The following SMYD3 variants were observed in gnomAD, a reference collection of about 807,000 sequenced individuals.
SMYD3 encodes the protein SET and MYND domain containing 3.
In SMYD3, 36 loss-of-function variants were observed where a neutral mutation model predicts 57.7. The ratio of observed to expected loss-of-function variants is 0.62; its 90% CI spans 0.48 to 0.82. The LOEUF (loss-of-function observed/expected upper bound fraction) is 0.82. Among genes scored for constraint, SMYD3 ranks in the 40% least tolerant of loss-of-function variants. SMYD3 has a pLI of 0.00. For synonymous variants in SMYD3, 211 were observed against 195.0 expected (o/e 1.08, Z -0.68); for missense variants, 515 against 538.8 (o/e 0.96, Z 0.44).
chr1:245,989,084 G>A (rs1367804644), intron 5 of SMYD3, among the ~76,000 whole-genome samples: 2 of 152,362 alleles, frequency 1.3e-5, no homozygotes, highest in East Asian at 1.9e-4. Context: ...GTGGTGAGAT[G>A]TAACCACTTA....
intron 2 of SMYD3, among the ~76,000 whole-genome samples, chr1:246,338,774 G>A (rs1187351737): frequency 2.0e-5 from 3 of 152,144 alleles, no homozygotes; most frequent in Non-Finnish European, 2.9e-5. Context: ...AACAGTTCAC[G>A]ACATAAACTC....
chr1:245,938,720 C>T (rs1464827492), intron 5 of SMYD3, among the ~76,000 whole-genome samples: 1 of 152,068 alleles, frequency 6.6e-6, no homozygotes, highest in African/African-American at 2.4e-5. Context: ...ATCATTTGAT[C>T]TTTTGTCTTC....
intron 5 of SMYD3, among the ~76,000 whole-genome samples, chr1:246,033,410 G>C (rs1288827060): frequency 6.6e-6 from 1 of 152,232 alleles, no homozygotes; most frequent in Non-Finnish European, 1.5e-5. Context: ...TGTAAGGAAA[G>C]TGAATGTATC....
intron 1 of SMYD3, among the ~76,000 whole-genome samples, chr1:246,393,674 TAAAAAAAAAAAAAAA>T (rs796510890): frequency 1.1e-5 from 1 of 92,426 alleles, no homozygotes; most frequent in Admixed American, 1.3e-4. Flanking sequence ...CCCCCATCTC[TAAAAAAAAAAAAAAA>T]AAAAAAAAAA....
chr1:246,123,571 AACAC>A (rs557543331), intron 5 of SMYD3, among the ~76,000 whole-genome samples: 7,592 of 129,470 alleles, frequency 0.059, 212 homozygotes, highest in South Asian at 0.099. Context: ...TCCATCTCAA[AACAC>A]ACACACACAC....
At chr1:246,146,895 G>A (rs1332170455) in intron 5 of SMYD3, among the ~76,000 whole-genome samples, 1 of 152,126 alleles carries the variant, frequency 6.6e-6, no homozygotes, top group African/African-American at 2.4e-5. Context: ...TGATGGTGTC[G>A]TCCAATCACT....
chr1:246,375,528 C>T (rs1002602077), intron 1 of SMYD3, among the ~76,000 whole-genome samples: 20 of 151,894 alleles, frequency 1.3e-4, no homozygotes, highest in African/African-American at 4.8e-4. Context: ...GTGCTTCCTC[C>T]TTGTCAGTAA....
intron 5 of SMYD3, among the ~76,000 whole-genome samples, chr1:246,001,678 T>C (rs972884229): frequency 1.3e-5 from 2 of 152,232 alleles, no homozygotes; most frequent in African/African-American, 4.8e-5. Context: ...TTAAATGTTT[T>C]CCATGATCCT....
chr1:246,163,823 G>GTGC (rs1162186243), intron 5 of SMYD3, among the ~76,000 whole-genome samples: 1 of 152,224 alleles, frequency 6.6e-6, no homozygotes, highest in African/African-American at 2.4e-5. Context: ...ACAACTGAGT[G>GTGC]TGCTCCCTGC....
chr1:246,049,014 G>T (rs1387529414), intron 5 of SMYD3, among the ~76,000 whole-genome samples: 1 of 152,096 alleles, frequency 6.6e-6, no homozygotes, highest in Non-Finnish European at 1.5e-5. Flanking sequence ...GATTTGGCTA[G>T]TTCTTAGTAA....
intron 1 of SMYD3, among the ~76,000 whole-genome samples, chr1:246,430,613 G>T (rs1020278817): frequency 1.3e-5 from 2 of 152,174 alleles, no homozygotes; most frequent in African/African-American, 4.8e-5. Flanking sequence ...GGCTTACGGG[G>T]CTTGTGGGAC....
At chr1:246,228,009 TCCAAAC>T (rs2063354932) in intron 5 of SMYD3, among the ~76,000 whole-genome samples, 1 of 71,928 alleles carries the variant, frequency 1.4e-5, no homozygotes, top group Non-Finnish European at 2.5e-5. Context: ...TCACCCAAAC[TCCAAAC>T]TACAGAGTGC....
rs1035763238 is a variant in SMYD3 at position 245,789,709 on chromosome 1, C to G, written c.1077-25560G>C. 7.9e-5 allele frequency among the ~76,000 whole-genome samples: 12 copies of G among 152,282 alleles called. 1 individual carries two copies. In the South Asian group the frequency reaches 2.1e-3, roughly 26 times the overall value. On this transcript the variant is annotated intron_variant, in intron 10 of 11. Coordinates refer to ENST00000490107, the MANE Select transcript of SMYD3 (RefSeq NM_001167740.2). ...CACCATTTTCCAATTCTCCTCAACA[C>G]GAATAGCTGACTTCTTTCACTGCTC... is the stretch of plus-strand genomic sequence containing the variant.
At chr1:246,004,503 G>A (rs1326933257) in intron 5 of SMYD3, among the ~76,000 whole-genome samples, 1 of 152,210 alleles carries the variant, frequency 6.6e-6, no homozygotes, top group Non-Finnish European at 1.5e-5. Context: ...TTCAAAGGAA[G>A]CAATTTAATG....
intron 5 of SMYD3, among the ~76,000 whole-genome samples, chr1:245,934,301 A>G (rs986539989): frequency 6.6e-6 from 1 of 152,186 alleles, no homozygotes; most frequent in Non-Finnish European, 1.5e-5. Flanking sequence ...AAGCTTTTAC[A>G]CTACATAACT....
chr1:246,290,047 C>T (rs1572342694), intron 5 of SMYD3, among the ~76,000 whole-genome samples: 1 of 152,146 alleles, frequency 6.6e-6, no homozygotes, highest in Non-Finnish European at 1.5e-5. Context: ...AAGTATGCTG[C>T]TCCATACTTA....
At chr1:246,248,808 A>ATTTTTTTTTTTTTT (rs1164274725) in intron 5 of SMYD3, among the ~76,000 whole-genome samples, 2 of 90,446 alleles carry the variant, frequency 2.2e-5, no homozygotes, top group Admixed American at 2.6e-4. Flanking sequence ...TGCCCGGCTA[A>ATTTTTTTTTTTTTT]TTTTTTTTTT....
intron 10 of SMYD3, among the ~76,000 whole-genome samples, chr1:245,818,816 A>G (rs963777597): frequency 2.1e-3 from 322 of 151,868 alleles, no homozygotes; most frequent in Non-Finnish European, 4.2e-3. Context: ...CATAATGGTA[A>G]AGGGATGAAT....
Position 246,142,989 on chromosome 1 carries a change from T to G in SMYD3, c.531+184212A>C, listed in dbSNP as rs529245092. Among the ~76,000 whole-genome samples the G allele has an allele frequency of 5.2e-4, 79 of 152,290 alleles. 1 individual carries two copies. Among genetic ancestry groups the G allele is most frequent in the Middle Eastern group, 3.4e-3 (1 of 294 alleles). ...CTGTGCAACCAGCCTCTCTTAATTG[T>G]GTAAGACCCACATGGAATGGTAAGA... is the stretch of plus-strand genomic sequence containing the variant. On this transcript the variant is annotated intron_variant, in intron 5 of 11. Transcript: ENST00000490107.
Sources: gnomAD v4.1 joint callset for allele counts (sites outside exome capture counted in the v4.1 genomes callset) on GRCh38, gnomAD v4.1.1 for gene constraint, MANE v1.5 for transcripts, NCBI Gene and HGNC (gene_info 2026-07-23, HGNC 2026-07-21) for gene names.